SAMD5: variants seen among roughly 807,000 people sequenced by gnomAD.
SAMD5 encodes sterile alpha motif domain-containing protein 5.
A neutral mutation model predicts 11.3 loss-of-function variants in SAMD5; 13 were observed. The ratio of observed to expected loss-of-function variants is 1.15; its 90% CI spans 0.75 to 1.83. The LOEUF (loss-of-function observed/expected upper bound fraction) is 1.83, where lower values mean the gene tolerates loss of function less well. Among genes scored for constraint, SAMD5 ranks in the 40% most tolerant of loss-of-function variants. The pLI is 0.00. For missense variants in SAMD5, 255 were observed against 239.1 expected, an observed-to-expected ratio of 1.07 and a Z score of -0.44; for synonymous variants, 129 against 111.3, an observed-to-expected ratio of 1.16 and a Z score of -1.00.
chr6:147,898,995 A>G, the SAMD5 span, among the ~76,000 whole-genome samples: 12 of 151,594 alleles, frequency 7.9e-5, no homozygotes, highest in Non-Finnish European at 1.3e-4. Context: ...CCTGGCTAAC[A>G]TGGTGAAACC....
the SAMD5 span, chr6:147,743,078 TG>T: frequency 3.3e-5 from 5 of 152,224 alleles, no homozygotes; most frequent in Non-Finnish European, 7.3e-5. Context: ...CATCAATTTA[TG>T]AAAGTAATCT....
the SAMD5 span, among the ~76,000 whole-genome samples, chr6:147,912,692 T>C: frequency 6.6e-6 from 1 of 152,128 alleles, no homozygotes; most frequent in Non-Finnish European, 1.5e-5. Context: ...TAGAGAGTGA[T>C]TGAATGGCCT....
the SAMD5 span, among the ~76,000 whole-genome samples, chr6:147,829,275 A>G: frequency 6.6e-6 from 1 of 152,322 alleles, no homozygotes; most frequent in South Asian, 2.1e-4. Context: ...GCTGTGTGTG[A>G]CCTGGCAACT....
chr6:147,544,387 A>C (rs145970459), intron 1 of SAMD5, among the ~76,000 whole-genome samples: 1,994 of 152,290 alleles, frequency 0.013, 21 homozygotes, highest in Middle Eastern at 0.031. Flanking sequence ...CCCTCATCAG[A>C]GGAGTATTAA....
chr6:147,842,555 G>A, the SAMD5 span, among the ~76,000 whole-genome samples: 5 of 151,580 alleles, frequency 3.3e-5, no homozygotes, highest in Non-Finnish European at 7.4e-5. Flanking sequence ...AGAACCATAC[G>A]AAATAAATCA....
chr6:147,554,405 G>A (rs538412259), intron 1 of SAMD5, among the ~76,000 whole-genome samples: 2 of 152,292 alleles, frequency 1.3e-5, no homozygotes, highest in South Asian at 2.1e-4. Flanking sequence ...TGCCCCTTCC[G>A]ATTCATCAAG....
In SAMD5 at chr6:147,691,291, G is replaced by A. The variant is rs949333307; in HGVS notation, c.163-46026G>A. On this transcript the variant is annotated intron_variant, in intron 1 of 1. Coordinates refer to the SAMD5 transcript ENST00000566741. ...TTACAGGCGTGAGCCACCATATCCA[G>A]CCTTAGGTATCTATTATTTAGAGAG... Among the ~76,000 whole-genome samples, 5 of 152,234 alleles carry A rather than the reference G, an allele frequency of 3.3e-5. 1 individual carries two copies. The highest frequency in any genetic ancestry group is 1.9e-4 in the East Asian group (1 of 5,182).
At chr6:147,898,790 TAC>T in the SAMD5 span, among the ~76,000 whole-genome samples, 1 of 152,146 alleles carries the variant, frequency 6.6e-6, no homozygotes. Context: ...CTTATATATA[TAC>T]ACACATATAT....
chr6:147,762,418 C>T, the SAMD5 span, among the ~76,000 whole-genome samples: 57 of 151,490 alleles, frequency 3.8e-4, no homozygotes, highest in Non-Finnish European at 6.5e-4. Flanking sequence ...AGGCTGGTCT[C>T]GAACCCCTGA....
At chr6:147,925,682 C>CTTT in the SAMD5 span, among the ~76,000 whole-genome samples, 153 of 115,224 alleles carry the variant, frequency 1.3e-3, 1 homozygote, top group African/African-American at 4.2e-3. Context: ...ACTGAGAATT[C>CTTT]TTTTTTTTTT....
At chr6:147,881,125 A>T in the SAMD5 span, among the ~76,000 whole-genome samples, 19 of 152,186 alleles carry the variant, frequency 1.2e-4, no homozygotes, top group Non-Finnish European at 2.9e-5. Flanking sequence ...ATCTCAACCC[A>T]GCAGTGGCCC....
At chr6:147,759,371 AGCTTTACAGATGGG>A in the SAMD5 span, among the ~76,000 whole-genome samples, 1 of 152,116 alleles carries the variant, frequency 6.6e-6, no homozygotes, top group African/African-American at 2.4e-5. Flanking sequence ...CAAGCATCCA[AGCTTTACAGATGGG>A]GCCTAGATGC....
At chr6:147,749,849 C>G in the SAMD5 span, among the ~76,000 whole-genome samples, 3 of 152,016 alleles carry the variant, frequency 2.0e-5, no homozygotes, top group African/African-American at 7.3e-5. Context: ...TATGCGCATG[C>G]GAGTGTGGTT....
the SAMD5 span, among the ~76,000 whole-genome samples, chr6:147,841,259 AG>A: frequency 6.6e-6 from 1 of 152,208 alleles, no homozygotes; most frequent in South Asian, 2.1e-4. Flanking sequence ...AGCTTATTTA[AG>A]GTTAGATTAT....
At chr6:147,644,721 A>G (rs76456630) in intron 1 of SAMD5, among the ~76,000 whole-genome samples, 4,722 of 152,260 alleles carry the variant, frequency 0.031, 237 homozygotes, top group African/African-American at 0.11. Context: ...TTTTCCTTCA[A>G]TTGGATTATA....
At chr6:147,579,164 A>G (rs1265211062) in intron 1 of SAMD5, among the ~76,000 whole-genome samples, 2 of 152,268 alleles carry the variant, frequency 1.3e-5, no homozygotes, top group African/African-American at 4.8e-5. Context: ...AGGATTTACC[A>G]TAAGTAAGAG....
At chr6:147,763,473 T>C in the SAMD5 span, among the ~76,000 whole-genome samples, 1 of 151,304 alleles carries the variant, frequency 6.6e-6, no homozygotes, top group Non-Finnish European at 1.5e-5. Context: ...ATCATGGATT[T>C]TTTTTTTTAT....
At chr6:147,696,988 A>C (rs1014594985) in intron 1 of SAMD5, among the ~76,000 whole-genome samples, 3 of 152,210 alleles carry the variant, frequency 2.0e-5, no homozygotes, top group African/African-American at 4.8e-5. Flanking sequence ...TGGAGAGTTC[A>C]AGATCAAGGT....
chr6:147,798,576 T>G, the SAMD5 span, among the ~76,000 whole-genome samples: 8 of 152,144 alleles, frequency 5.3e-5, no homozygotes, highest in South Asian at 1.5e-3. Context: ...TGTGGATGTC[T>G]ATTAGGTCCG....
Sources: gnomAD v4.1 joint callset for allele counts (sites outside exome capture counted in the v4.1 genomes callset) on GRCh38, gnomAD v4.1.1 for gene constraint, MANE v1.5 for transcripts, NCBI Gene and HGNC (gene_info 2026-07-23, HGNC 2026-07-21) for gene names.